OR3A2: variants seen among roughly 807,000 people sequenced by gnomAD.
OR3A2 encodes the protein olfactory receptor 3A2.
For missense variants in OR3A2, 318 were observed against 392.8 expected, an observed-to-expected ratio of 0.81 and a Z score of 1.61; for synonymous variants, 126 against 159.3, an observed-to-expected ratio of 0.79 and a Z score of 1.57.
At chr17:3,305,910 G>C (rs1479996576) in intron 3 of OR3A2, among the ~76,000 whole-genome samples, 1 of 152,246 alleles carries the variant, frequency 6.6e-6, no homozygotes, top group Non-Finnish European at 1.5e-5. Context: ...TAGGGAGGGA[G>C]CATGTCTGTA....
chr17:3,342,678 G>T (rs1349052317), intron 2 of OR3A2, among the ~76,000 whole-genome samples: 1 of 152,306 alleles, frequency 6.6e-6, no homozygotes, highest in Admixed American at 6.5e-5. Flanking sequence ...CCACCTGGCT[G>T]TATGAGGTGT....
chr17:3,280,422 C>T (rs1052068333), intron 1 of OR3A2, among the ~76,000 whole-genome samples: 3 of 151,954 alleles, frequency 2.0e-5, no homozygotes, highest in East Asian at 1.9e-4. Context: ...CAGGCGCCCA[C>T]CACCACGCCC....
intron 3 of OR3A2, among the ~76,000 whole-genome samples, chr17:3,312,718 G>A (rs2049054095): frequency 6.6e-6 from 1 of 152,174 alleles, no homozygotes; most frequent in Non-Finnish European, 1.5e-5. Context: ...TCTGCCTCCT[G>A]GGTTCAAGTG....
chr17:3,352,746 T>G (rs2049430806), intron 2 of OR3A2, among the ~76,000 whole-genome samples: 2 of 151,880 alleles, frequency 1.3e-5, no homozygotes, highest in South Asian at 4.1e-4. Context: ...TTTTGTGATT[T>G]CATATAAATT....
intron 2 of OR3A2, among the ~76,000 whole-genome samples, chr17:3,377,920 G>A (rs2049698279): frequency 6.6e-6 from 1 of 152,178 alleles, no homozygotes; most frequent in Non-Finnish European, 1.5e-5. Flanking sequence ...ACCACCTTTT[G>A]ACCCAGCAGT....
At chr17:3,318,553 TTGTTCTTCCAC>T (rs1255320234) in intron 3 of OR3A2, among the ~76,000 whole-genome samples, 1 of 152,202 alleles carries the variant, frequency 6.6e-6, no homozygotes, top group Non-Finnish European at 1.5e-5. Context: ...CAGAACTTCC[TTGTTCTTCCAC>T]TGTTCTTCCT....
chr17:3,316,898 T>G (rs1796265538), intron 3 of OR3A2, among the ~76,000 whole-genome samples: 2 of 152,232 alleles, frequency 1.3e-5, no homozygotes, highest in Non-Finnish European at 2.9e-5. Context: ...TTTAATTCAG[T>G]CTCTGCTATT....
chr17:3,315,611 GT>G (rs781110562), intron 3 of OR3A2, among the ~76,000 whole-genome samples: 2 of 152,094 alleles, frequency 1.3e-5, no homozygotes, highest in Non-Finnish European at 2.9e-5. Flanking sequence ...TGCACAGTTT[GT>G]GAATATTTTC....
intron 2 of OR3A2, among the ~76,000 whole-genome samples, chr17:3,342,728 C>T (rs1208075390): frequency 6.6e-6 from 1 of 152,220 alleles, no homozygotes; most frequent in Non-Finnish European, 1.5e-5. Context: ...GTTAGGCTAC[C>T]TGGGGGTCAG....
chr17:3,321,546 T>C (rs960825171), intron 3 of OR3A2, among the ~76,000 whole-genome samples: 31 of 152,168 alleles, frequency 2.0e-4, no homozygotes, highest in African/African-American at 7.5e-4. Context: ...TATTTTGAGA[T>C]ACATCCTATC....
intron 3 of OR3A2, chr17:3,291,933 A>G (rs2048874097): frequency 3.1e-6 from 5 of 1,614,208 alleles, no homozygotes; most frequent in East Asian, 2.2e-5. Flanking sequence ...GGAGATGACA[A>G]TGAGAGCCAT....
chr17:3,349,569 A>G (rs1006513972), intron 2 of OR3A2, among the ~76,000 whole-genome samples: 3 of 152,178 alleles, frequency 2.0e-5, no homozygotes, highest in South Asian at 4.1e-4. Context: ...TTAGACTCCC[A>G]CACATTAATA....
chr17:3,280,678 G>A (rs761449048), intron 1 of OR3A2, among the ~76,000 whole-genome samples: 7 of 152,134 alleles, frequency 4.6e-5, no homozygotes, highest in Non-Finnish European at 1.0e-4. Context: ...TTACTCCCTT[G>A]CATAGAATAG....
chr17:3,321,079 T>C (rs1259345664), intron 3 of OR3A2, among the ~76,000 whole-genome samples: 1 of 152,182 alleles, frequency 6.6e-6, no homozygotes, highest in East Asian at 1.9e-4. Context: ...TAGTTCTCCT[T>C]GAAGAGGTCC....
At chr17:3,309,500 C>A (rs2049023580) in intron 3 of OR3A2, among the ~76,000 whole-genome samples, 1 of 152,118 alleles carries the variant, frequency 6.6e-6, no homozygotes, top group South Asian at 2.1e-4. Context: ...TGGTATCCAC[C>A]AAACCCACCT....
chr17:3,368,597 T>C (rs1256145834), intron 2 of OR3A2, among the ~76,000 whole-genome samples: 1 of 152,204 alleles, frequency 6.6e-6, no homozygotes, highest in Non-Finnish European at 1.5e-5. Context: ...GGTCTACGTG[T>C]CTGTTTTTAT....
intron 2 of OR3A2, among the ~76,000 whole-genome samples, chr17:3,362,066 G>T (rs2049522216): frequency 6.6e-6 from 1 of 151,456 alleles, no homozygotes; most frequent in African/African-American, 2.4e-5. Flanking sequence ...TTGGTTGGTA[G>T]GCTATAAATT....
intron 3 of OR3A2, among the ~76,000 whole-genome samples, chr17:3,335,622 C>A (rs1383355223): frequency 6.6e-6 from 1 of 152,140 alleles, no homozygotes; most frequent in Non-Finnish European, 1.5e-5. Flanking sequence ...ATAACAATCA[C>A]CCCCACACAT....
intron 2 of OR3A2, among the ~76,000 whole-genome samples, chr17:3,364,424 C>G (rs1432171964): frequency 6.6e-6 from 1 of 152,120 alleles, no homozygotes; most frequent in Non-Finnish European, 1.5e-5. Context: ...CCATGCTGGT[C>G]AATGGATTGC....
Sources: allele counts gnomAD v4.1 joint callset (sites outside exome capture counted in the v4.1 genomes callset), GRCh38; gene constraint gnomAD v4.1.1; transcripts MANE v1.5; gene names NCBI Gene and HGNC (gene_info 2026-07-23, HGNC 2026-07-21).